LINGO2: variants seen among roughly 807,000 people sequenced by gnomAD.
LINGO2 encodes the protein leucine-rich repeat and immunoglobulin-like domain-containing nogo receptor-interacting protein 2.
Under a neutral mutation model 30.6 loss-of-function variants are expected in LINGO2, and 14 were observed. The ratio of observed to expected loss-of-function variants is 0.46; its 90% CI spans 0.30 to 0.72. The LOEUF (loss-of-function observed/expected upper bound fraction) is 0.72. LINGO2 is among the 30% of genes least tolerant of loss of function. LINGO2 has a pLI of 0.07. For synonymous variants in LINGO2, 317 were observed against 288.5 expected, an observed-to-expected ratio of 1.10 and a Z score of -1.00; for missense variants, 729 against 751.7, an observed-to-expected ratio of 0.97 and a Z score of 0.35.
intron 1 of LINGO2, among the ~76,000 whole-genome samples, chr9:28,501,580 C>A (rs77878842): frequency 0.022 from 3,281 of 152,156 alleles, 105 homozygotes; most frequent in East Asian, 0.098. Flanking sequence ...GAATTTATTA[C>A]ATTTCCCTAG....
the LINGO2 span, among the ~76,000 whole-genome samples, chr9:28,908,967 T>TACCA: frequency 2.0e-5 from 3 of 151,942 alleles, no homozygotes; most frequent in Non-Finnish European, 4.4e-5. Flanking sequence ...TATATAGATA[T>TACCA]TTTAGGTTGC....
At chr9:28,234,672 G>A (rs554197674) in intron 4 of LINGO2, among the ~76,000 whole-genome samples, 79 of 151,150 alleles carry the variant, frequency 5.2e-4, no homozygotes, top group African/African-American at 2.0e-3. Flanking sequence ...AAGTTCTTCA[G>A]CTTTTGGAAT....
chr9:27,947,622 A>G (rs919217567), downstream of LINGO2, among the ~76,000 whole-genome samples: 1 of 152,232 alleles, frequency 6.6e-6, no homozygotes, highest in Non-Finnish European at 1.5e-5. Context: ...TTGTGTGTAC[A>G]GTATTCAAGT....
chr9:28,792,327 C>T, the LINGO2 span, among the ~76,000 whole-genome samples: 1 of 151,966 alleles, frequency 6.6e-6, no homozygotes, highest in East Asian at 1.9e-4. Flanking sequence ...GTATTTTAAC[C>T]ATAAATCCCC....
chr9:28,270,751 A>C (rs1336590748), intron 4 of LINGO2, among the ~76,000 whole-genome samples: 1 of 152,154 alleles, frequency 6.6e-6, no homozygotes, highest in East Asian at 1.9e-4. Flanking sequence ...ACTAATATTA[A>C]TATCTAATAT....
Position 28,460,197 on chromosome 9 carries a change from G to C in LINGO2, c.-279+15743C>G, listed in dbSNP as rs185004736. Among the ~76,000 whole-genome samples the C allele has an allele frequency of 2.6e-5, 4 of 152,202 alleles. No individual in the cohort carries two copies. In the East Asian group the frequency reaches 7.7e-4, roughly 29 times the overall value. On this transcript the variant is annotated intron_variant, in intron 2 of 5. Coordinates refer to ENST00000379992, the Ensembl canonical transcript of LINGO2. ...TACTGCCTCTTTCTAACTCCCTGCA[G>C]TCTGGAAAACCAGTTGGAATTATGC...
the LINGO2 span, among the ~76,000 whole-genome samples, chr9:28,870,139 AT>A: frequency 1.3e-5 from 2 of 151,910 alleles, no homozygotes; most frequent in African/African-American, 2.4e-5. Context: ...ATGGTACACA[AT>A]TTTTACTCAT....
intron 5 of LINGO2, among the ~76,000 whole-genome samples, chr9:27,963,944 C>G (rs762285229): frequency 1.2e-4 from 18 of 152,006 alleles, no homozygotes; most frequent in Non-Finnish European, 2.1e-4. Context: ...GGAAAATCAC[C>G]AGGGTTACCT....
the LINGO2 span, among the ~76,000 whole-genome samples, chr9:28,796,017 C>CACACACACAA: frequency 5.5e-5 from 7 of 128,108 alleles, no homozygotes; most frequent in Non-Finnish European, 8.6e-5. Context: ...CACACACACA[C>CACACACACAA]AATTCAGGAA....
chr9:29,105,394 T>C, the LINGO2 span, among the ~76,000 whole-genome samples: 10,355 of 152,264 alleles, frequency 0.068, 434 homozygotes, highest in South Asian at 0.18. Context: ...TAAAGGAAGA[T>C]GAATTTTTCT....
chr9:28,863,715 G>A, the LINGO2 span: 13 of 520,206 alleles, frequency 2.5e-5, no homozygotes, highest in Admixed American at 9.8e-5. Flanking sequence ...CACAGTTTGT[G>A]TAAAGCCTGG....
chr9:27,954,568 C>A (rs943002269), intron 5 of LINGO2, among the ~76,000 whole-genome samples: 11 of 152,100 alleles, frequency 7.2e-5, no homozygotes, highest in African/African-American at 2.4e-4. Context: ...TATACATGTA[C>A]CACATTTTCT....
chr9:28,934,075 C>G, the LINGO2 span, among the ~76,000 whole-genome samples: 1 of 152,120 alleles, frequency 6.6e-6, no homozygotes, highest in Non-Finnish European at 1.5e-5. Context: ...TTCTTCCTGG[C>G]CAATGTAACG....
At chr9:28,805,213 T>A in the LINGO2 span, among the ~76,000 whole-genome samples, 1 of 152,182 alleles carries the variant, frequency 6.6e-6, no homozygotes. Context: ...ACATTTATAT[T>A]TCTAAGCATC....
At chr9:28,633,543 T>C (rs1827101905) in intron 1 of LINGO2, among the ~76,000 whole-genome samples, 1 of 152,192 alleles carries the variant, frequency 6.6e-6, no homozygotes, top group Non-Finnish European at 1.5e-5. Context: ...AAATTGCACT[T>C]AAATAATTTA....
chr9:28,776,663 CA>C, the LINGO2 span, among the ~76,000 whole-genome samples: 1 of 152,032 alleles, frequency 6.6e-6, no homozygotes, highest in African/African-American at 2.4e-5. Flanking sequence ...CCATGTTAAG[CA>C]CAGAAAATAC....
intron 1 of LINGO2, among the ~76,000 whole-genome samples, chr9:28,611,424 C>A (rs1006968362): frequency 4.6e-5 from 7 of 151,770 alleles, no homozygotes; most frequent in African/African-American, 1.7e-4. Context: ...CAGCATATTT[C>A]AAGCATACAA....
intron 1 of LINGO2, among the ~76,000 whole-genome samples, chr9:28,562,207 T>C (rs1324121390): frequency 6.6e-6 from 1 of 151,930 alleles, no homozygotes; most frequent in African/African-American, 2.4e-5. Context: ...TTTCAGTTTT[T>C]CAGGAAATAG....
At chr9:27,974,008 T>A (rs1408243140) in intron 5 of LINGO2, among the ~76,000 whole-genome samples, 1 of 151,762 alleles carries the variant, frequency 6.6e-6, no homozygotes, top group Non-Finnish European at 1.5e-5. Flanking sequence ...GACTCAAGAG[T>A]AAGTAAAAAT....
Sources: gnomAD v4.1 joint callset for allele counts (sites outside exome capture counted in the v4.1 genomes callset) on GRCh38, gnomAD v4.1.1 for gene constraint, MANE v1.5 for transcripts, NCBI Gene and HGNC (gene_info 2026-07-23, HGNC 2026-07-21) for gene names.